Variants in KIT observed in about 807,000 individuals in gnomAD.
KIT encodes the protein mast/stem cell growth factor receptor Kit.
Under a neutral mutation model 105.7 loss-of-function variants are expected in KIT, and 16 were observed. That is an observed-to-expected ratio of 0.15 (90% CI 0.10 to 0.23). KIT has a LOEUF of 0.23. Among genes scored for constraint, KIT ranks in the 10% least tolerant of loss-of-function variants. The pLI, the probability that KIT is intolerant of heterozygous loss-of-function variation, is 1.00. For missense variants in KIT, 858 were observed against 1,213.8 expected (o/e 0.71, Z 4.36); for synonymous variants, 438 against 441.1 (o/e 0.99, Z 0.09).
chr4:54,727,147 G>A (rs1376774783), intron 9 of KIT, 71 bp from the exon 10 acceptor site: 1 of 1,302,742 alleles, frequency 7.7e-7, no homozygotes, highest in African/African-American at 1.5e-5. Context: ...GGGTCAGTTT[G>A]GGACTGAGTG....
At chr4:54,725,618 A>G (rs1722165339) in intron 8 of KIT, among the ~76,000 whole-genome samples, 2 of 152,130 alleles carry the variant, frequency 1.3e-5, no homozygotes, top group South Asian at 4.1e-4. Flanking sequence ...GGTGGGGGTT[A>G]AAAACTCATC....
intron 1 of KIT, among the ~76,000 whole-genome samples, chr4:54,681,631 G>A (rs572456258): frequency 3.3e-5 from 5 of 152,236 alleles, no homozygotes; most frequent in Middle Eastern, 3.4e-3. Flanking sequence ...AGAAAGGTCC[G>A]TCTTTGAGTG....
intron 1 of KIT, among the ~76,000 whole-genome samples, chr4:54,674,059 C>T (rs1718298943): frequency 6.6e-6 from 1 of 152,188 alleles, no homozygotes; most frequent in South Asian, 2.1e-4. Flanking sequence ...GCATGAGCCA[C>T]CGTGCCCGGC....
In KIT at chr4:54,709,463, C is replaced by G. The variant is rs373472667; in HGVS notation, c.1155C>G (p.Thr385=). ...TTCATCTAACGAGATTAAAAGGCAC[C>G]GAAGGAGGCACTTACACATTCCTAG... The part of the protein sequence containing the change: ...SELHLTRLKG[T]EGGTYTFLVS... Residue 385 remains threonine, a synonymous_variant, in exon 7 of 21, where the codon ACC becomes ACG. Transcript: ENST00000288135. The G allele has an allele frequency of 9.9e-6, 16 of 1,613,616 alleles. No individual in the cohort carries two copies. The highest frequency in any genetic ancestry group is 1.4e-5 in the Non-Finnish European group (16 of 1,179,682).
At chr4:54,723,958 T>C (rs1282814811) in intron 8 of KIT, among the ~76,000 whole-genome samples, 6 of 152,216 alleles carry the variant, frequency 3.9e-5, no homozygotes, top group Non-Finnish European at 8.8e-5. Flanking sequence ...ATTTCTAGCC[T>C]GCAGGTAGAT....
intron 1 of KIT, among the ~76,000 whole-genome samples, chr4:54,685,831 T>C (rs1719273621): frequency 6.6e-6 from 1 of 152,254 alleles, no homozygotes; most frequent in Admixed American, 6.5e-5. Flanking sequence ...TCAGCCTGGC[T>C]GCACACATCA....
rs190512512 is a variant in KIT, at chr4:54,737,206, G to T, written c.2728G>T (p.Asp910Tyr). The part of the protein sequence containing the change: ...YDIMKTCWDA[D>Y]PLKRPTFKQI... The stretch of plus-strand genomic sequence containing the variant: ...CATAATGAAGACTTGCTGGGATGCA[G>T]ATCCCCTAAAAAGACCAACATTCAA... The change falls in exon 20 of 21, where the codon GAT becomes TAT. Residue 910 changes from aspartate to tyrosine, a missense_variant. Transcript: ENST00000288135. The T allele has an allele frequency of 3.2e-5, 52 of 1,613,686 alleles. No individual in the cohort carries two copies. In the East Asian group the frequency reaches 1.1e-3, roughly 35 times the overall value.
intron 11 of KIT, 102 bp downstream of exon 11, chr4:54,727,644 A>C (rs1722323307): frequency 4.6e-6 from 7 of 1,512,742 alleles, no homozygotes; most frequent in Non-Finnish European, 6.4e-6. Context: ...CACCTGAAAC[A>C]ATGAGTTTTC....
In KIT at chr4:54,695,493, A is replaced by T. The variant is rs1719993555; in HGVS notation, c.68-19A>T. 5 of 1,613,932 alleles carry T rather than the reference A, an allele frequency of 3.1e-6. No homozygotes were observed. In the East Asian group the frequency reaches 1.1e-4, roughly 36 times the overall value. On this transcript the variant is annotated intron_variant, in intron 1 of 20. Coordinates refer to ENST00000288135, the MANE Select transcript of KIT (RefSeq NM_000222.3). ...AAGGAAGAAGATCATACTCAACACGATTCTGTTTTTCTTGGCAGGCTCTTC... is the reference window on the plus strand; with the variant it reads ...AAGGAAGAAGATCATACTCAACACGTTTCTGTTTTTCTTGGCAGGCTCTTC...
chr4:54,698,728 A>G (rs1327195274), intron 3 of KIT, among the ~76,000 whole-genome samples, 163 bp downstream of exon 3: 3 of 152,198 alleles, frequency 2.0e-5, no homozygotes, highest in African/African-American at 4.8e-5. Context: ...TGTTTATTTC[A>G]TGGTCCTGAC....
chr4:54,702,633 C>T (rs1360319002), intron 4 of KIT, among the ~76,000 whole-genome samples: 1 of 152,052 alleles, frequency 6.6e-6, no homozygotes, highest in Non-Finnish European at 1.5e-5. Context: ...AGTCATAATG[C>T]TATACTTGAT....
chr4:54,719,906 T>C (rs1371229640), intron 7 of KIT, among the ~76,000 whole-genome samples: 1 of 152,166 alleles, frequency 6.6e-6, no homozygotes, highest in Non-Finnish European at 1.5e-5. Flanking sequence ...CATGCTGTAC[T>C]AGTGTGTCTC....
intron 1 of KIT, among the ~76,000 whole-genome samples, chr4:54,667,933 C>T (rs1490949137): frequency 1.3e-5 from 2 of 152,172 alleles, no homozygotes; most frequent in Non-Finnish European, 2.9e-5. Context: ...ACCGACCTTC[C>T]CCACTCCTAG....
intron 1 of KIT, among the ~76,000 whole-genome samples, chr4:54,678,595 A>G (rs1430596535): frequency 1.3e-5 from 2 of 151,968 alleles, no homozygotes; most frequent in Non-Finnish European, 2.9e-5. Flanking sequence ...AGTTTTCCCA[A>G]AGTCTCACAT....
chr4:54,711,348 C>G (rs893196059), intron 7 of KIT, among the ~76,000 whole-genome samples: 1 of 152,192 alleles, frequency 6.6e-6, no homozygotes, highest in Non-Finnish European at 1.5e-5. Context: ...CTGAATAAGA[C>G]ATTCATATGA....
chr4:54,678,067 G>A (rs978452372), intron 1 of KIT, among the ~76,000 whole-genome samples: 2 of 152,078 alleles, frequency 1.3e-5, no homozygotes, highest in African/African-American at 4.8e-5. Context: ...TATCGTAAAC[G>A]TCTGCTAGAT....
At chr4:54,700,378 C>T (rs186221498) in intron 4 of KIT, among the ~76,000 whole-genome samples, 2 of 152,326 alleles carry the variant, frequency 1.3e-5, no homozygotes, top group Non-Finnish European at 2.9e-5. Flanking sequence ...GGCATGCTTA[C>T]GTTCCCATTC....
chr4:54,723,577 C>T lies in KIT; in HGVS notation c.1232-7C>T, dbSNP rs1577988561. 2 of 1,595,644 alleles carry T rather than the reference C, an allele frequency of 1.3e-6. No homozygotes were observed. The highest frequency in any genetic ancestry group is 1.3e-5 in the African/African-American group (1 of 74,658). On this transcript the variant is annotated splice_region_variant and splice_polypyrimidine_tract_variant and intron_variant, in intron 7 of 20. Coordinates refer to ENST00000288135, the MANE Select transcript of KIT (RefSeq NM_000222.3). ...TCTGACATATGGCCATTTCTGTTTTCCTGTAGCAAAACCAGAAATCCTGAC... is the reference window on the plus strand; with the variant it reads ...TCTGACATATGGCCATTTCTGTTTTTCTGTAGCAAAACCAGAAATCCTGAC...
At position 54,727,237 on chromosome 4, in the gene KIT, C is replaced by T. The variant is rs2109773814; in HGVS notation, c.1560C>T (p.Thr520=). Residue 520 remains threonine, a synonymous_variant, in exon 10 of 21, where the codon ACC becomes ACT. Transcript: ENST00000288135. ...TTGTAGAGCAAATCCATCCCCACAC[C>T]CTGTTCACTCCTTTGCTGATTGGTT... ...GNNKEQIHPH[T]LFTPLLIGFV... The T allele has an allele frequency of 6.2e-7, 1 of 1,614,066 alleles. No individual in the cohort carries two copies. The highest frequency in any genetic ancestry group is 1.1e-5 in the South Asian group (1 of 91,078).
Sources: gnomAD v4.1 joint callset for allele counts (sites outside exome capture counted in the v4.1 genomes callset) on GRCh38, gnomAD v4.1.1 for gene constraint, MANE v1.5 for transcripts, NCBI Gene and HGNC (gene_info 2026-07-23, HGNC 2026-07-21) for gene names.